PRMT7: variants seen among roughly 807,000 people sequenced by gnomAD.
The protein encoded by PRMT7 is protein arginine N-methyltransferase 7.
Under a neutral mutation model 85.4 loss-of-function variants are expected in PRMT7, and 75 were observed. The observed-to-expected ratio is 0.88, with a 90% CI of 0.73 to 1.06. The LOEUF (loss-of-function observed/expected upper bound fraction) is 1.06. PRMT7 is among the 50% of genes least tolerant of loss of function. The probability of loss-of-function intolerance (pLI) is 0.00; values close to 1 mark genes in which losing one functional copy is unlikely to be tolerated. For missense variants in PRMT7, 868 were observed against 915.2 expected, an observed-to-expected ratio of 0.95 and a Z score of 0.67; for synonymous variants, 397 against 359.5, an observed-to-expected ratio of 1.10 and a Z score of -1.18.
intron 15 of PRMT7, 197 bp downstream of exon 15, chr16:68,352,606 G>A (rs2087580209): frequency 4.1e-6 from 2 of 490,874 alleles, no homozygotes; most frequent in African/African-American, 2.0e-5. Context: ...TTTGACATAC[G>A]AAATGGAAAT....
intron 13 of PRMT7, 49 bp from the exon 14 acceptor site, chr16:68,348,293 A>T (rs749461867): frequency 7.0e-7 from 1 of 1,433,784 alleles, no homozygotes; most frequent in South Asian, 1.2e-5. Context: ...TTCCTGACAA[A>T]CACAATACTT....
intron 4 of PRMT7, 91 bp downstream of exon 4, chr16:68,321,553 T>A: frequency 8.2e-7 from 1 of 1,226,340 alleles, no homozygotes; most frequent in Non-Finnish European, 1.2e-6. Context: ...GTCATGATGT[T>A]AAATGATACT....
At chr16:68,338,051 G>T (rs1376276410) in intron 7 of PRMT7, among the ~76,000 whole-genome samples, 1 of 152,174 alleles carries the variant, frequency 6.6e-6, no homozygotes, top group African/African-American at 2.4e-5. Context: ...GGGTTTGGGG[G>T]CCATGCCCAG....
At chr16:68,337,703 T>TG (rs3833061) in intron 7 of PRMT7, 132 bp downstream of exon 7, 256,495 of 431,268 alleles carry the variant, frequency 0.59, 78,134 homozygotes, top group East Asian at 0.79. Flanking sequence ...CCTCCATTCC[T>TG]GGGGGGGCTC....
chr16:68,351,966 T>G (rs2087441606), intron 14 of PRMT7: 1 of 297,854 alleles, frequency 3.4e-6, no homozygotes, highest in African/African-American at 2.2e-5. Flanking sequence ...GCTTCCCTCT[T>G]CTGCTCTGCT....
intron 5 of PRMT7, among the ~76,000 whole-genome samples, chr16:68,326,010 A>T (rs1176306197): frequency 1.3e-5 from 2 of 152,230 alleles, no homozygotes; most frequent in Non-Finnish European, 2.9e-5. Context: ...AGAGCAAGAA[A>T]AATTAAAAAC....
rs956048731 is a variant in PRMT7, at chr16:68,357,125, A to T, written c.1980A>T (p.Ala660=). 10 of 1,613,918 alleles carry T rather than the reference A, an allele frequency of 6.2e-6. No homozygotes were observed. Among genetic ancestry groups the T allele is most frequent in the Non-Finnish European group, 8.5e-6 (10 of 1,179,972 alleles). Residue 660 remains alanine, a synonymous_variant, in exon 19 of 19, where the codon GCA becomes GCT. Transcript: ENST00000441236. ...YFFSPAPDPR[A]LLGGPRTVSY... ...TCAGCCCTGCCCCAGATCCCAGAGC[A>T]CTGCTGGGTGGCCCACGGACTGTCA...
At chr16:68,316,447 T>C (rs1016217016) in intron 3 of PRMT7, among the ~76,000 whole-genome samples, 4 of 152,148 alleles carry the variant, frequency 2.6e-5, no homozygotes, top group African/African-American at 9.7e-5. Context: ...GTTTTTTTTT[T>C]CCCTTAGAAG....
chr16:68,331,685 G>C (rs945241928), intron 6 of PRMT7, among the ~76,000 whole-genome samples: 1 of 151,816 alleles, frequency 6.6e-6, no homozygotes, highest in Non-Finnish European at 1.5e-5. Context: ...TGTTGCTTAG[G>C]CTGGTCTCAA....
At chr16:68,327,125 G>A (rs894571611) in intron 5 of PRMT7, among the ~76,000 whole-genome samples, 9 of 152,142 alleles carry the variant, frequency 5.9e-5, no homozygotes, top group African/African-American at 2.2e-4. Context: ...AGCTGCTCAC[G>A]TAAGTACTCT....
At chr16:68,320,882 G>A (rs548803737) in intron 3 of PRMT7, among the ~76,000 whole-genome samples, 7 of 152,280 alleles carry the variant, frequency 4.6e-5, no homozygotes, top group Admixed American at 1.3e-4. Flanking sequence ...CTTGAGCTAA[G>A]GAGTTCAAGG....
At chr16:68,325,792 AAAC>A (rs1403387449) in intron 5 of PRMT7, among the ~76,000 whole-genome samples, 2 of 152,136 alleles carry the variant, frequency 1.3e-5, no homozygotes, top group Non-Finnish European at 2.9e-5. Flanking sequence ...CTCCATCTCA[AAAC>A]AAAACAAAAC....
chr16:68,320,363 A>G (rs1597147357), intron 3 of PRMT7, among the ~76,000 whole-genome samples: 1 of 152,214 alleles, frequency 6.6e-6, no homozygotes, highest in African/African-American at 2.4e-5. Flanking sequence ...CAGAGCTGAC[A>G]GCCACGAACA....
intron 10 of PRMT7, 144 bp from the exon 11 acceptor site, chr16:68,346,001 T>C: frequency 7.3e-7 from 1 of 1,376,668 alleles, no homozygotes; most frequent in South Asian, 1.3e-5. Context: ...GGAATCTGTT[T>C]AGAGCAGATG....
At position 68,337,459 on chromosome 16, in the gene PRMT7, A is replaced by G. The variant is rs1483598889; in HGVS notation, c.392A>G (p.Glu131Gly). 6.2e-7 allele frequency: 1 copy of G among 1,601,748 alleles called. No homozygotes were observed. Among genetic ancestry groups the G allele is most frequent in the African/African-American group, 1.3e-5 (1 of 74,164 alleles). The change falls in exon 7 of 19, where the codon GAG becomes GGG. Residue 131 changes from glutamate to glycine, a missense_variant and splice_region_variant. Transcript: ENST00000441236. ...AACTCTGTTTTCTTGTGTTTTTCAG[A>G]GGGTGACATGCCATGCCGTGCCAAC... ...KHSTEVTVGP[E>G]GDMPCRANIL...
Position 68,321,480 on chromosome 16 carries a change from C to G in PRMT7, c.132+18C>G. 3 of 1,597,898 alleles carry G rather than the reference C, an allele frequency of 1.9e-6. No individual in the cohort carries two copies. The highest frequency in any genetic ancestry group is 2.6e-6 in the Non-Finnish European group (3 of 1,168,276). Reference sequence around the variant, plus strand: ...AAGACAGAGTAAGTGTAAAAGGAAACTATTATCTTGATGTGGGGTGTTTTG... The same window carrying G: ...AAGACAGAGTAAGTGTAAAAGGAAAGTATTATCTTGATGTGGGGTGTTTTG... On this transcript the variant is annotated intron_variant, in intron 4 of 18. Coordinates refer to ENST00000441236, the MANE Select transcript of PRMT7 (RefSeq NM_019023.5).
chr16:68,344,413 C>T (rs2086004025), intron 9 of PRMT7, among the ~76,000 whole-genome samples: 1 of 152,220 alleles, frequency 6.6e-6, no homozygotes, highest in Non-Finnish European at 1.5e-5. Flanking sequence ...GGTCTCTCTC[C>T]AAACGCGTGG....
chr16:68,345,570 T>G, intron 9 of PRMT7, 105 bp from the exon 10 acceptor site: 9 of 1,497,292 alleles, frequency 6.0e-6, no homozygotes, highest in Non-Finnish European at 7.3e-6. Flanking sequence ...GTAGTCTACA[T>G]TGTGGACGTC....
chr16:68,322,163 G>A (rs1056768696), intron 4 of PRMT7, among the ~76,000 whole-genome samples: 2 of 152,002 alleles, frequency 1.3e-5, no homozygotes, highest in African/African-American at 2.4e-5. Context: ...TTACAGGTGC[G>A]TGCCATGACA....
Sources: gnomAD v4.1 joint callset for allele counts (sites outside exome capture counted in the v4.1 genomes callset) on GRCh38, gnomAD v4.1.1 for gene constraint, MANE v1.5 for transcripts, NCBI Gene and HGNC (gene_info 2026-07-23, HGNC 2026-07-21) for gene names.